UIMC1: variants seen among roughly 807,000 people sequenced by gnomAD.
UIMC1 encodes the protein ubiquitin interaction motif containing 1.
UIMC1 carries 42 observed loss-of-function variants against 84.9 expected under a neutral mutation model. The ratio of observed to expected loss-of-function variants is 0.49; its 90% confidence interval spans 0.39 to 0.64. The LOEUF is 0.64. Among genes scored for constraint, UIMC1 ranks in the 30% least tolerant of loss-of-function variants. The probability of loss-of-function intolerance (pLI) is 0.00; values close to 1 mark genes in which losing one functional copy is unlikely to be tolerated. For synonymous variants in UIMC1, 281 were observed against 293.0 expected, an observed-to-expected ratio of 0.96 and a Z score of 0.42; for missense variants, 825 against 847.6, an observed-to-expected ratio of 0.97 and a Z score of 0.33.
chr5:177,014,355 C>T (rs1289569746), intron 1 of UIMC1, among the ~76,000 whole-genome samples: 1 of 152,060 alleles, frequency 6.6e-6, no homozygotes, highest in Non-Finnish European at 1.5e-5. Flanking sequence ...TGCCCAGCTG[C>T]AGTGAGCCAC....
intron 10 of UIMC1, among the ~76,000 whole-genome samples, chr5:176,922,164 A>G (rs1761790390): frequency 6.6e-6 from 1 of 152,052 alleles, no homozygotes; most frequent in Non-Finnish European, 1.5e-5. Context: ...TTTTTCTTAA[A>G]TTGTATTTAT....
chr5:176,927,726 T>G (rs916525270), intron 10 of UIMC1, among the ~76,000 whole-genome samples: 25 of 152,000 alleles, frequency 1.6e-4, no homozygotes, highest in African/African-American at 5.6e-4. Context: ...ACAGAGGACA[T>G]TTTGAAAAAC....
intron 10 of UIMC1, among the ~76,000 whole-genome samples, chr5:176,941,500 TC>T (rs1359932458): frequency 6.6e-6 from 1 of 152,242 alleles, no homozygotes; most frequent in Non-Finnish European, 1.5e-5. Context: ...TTTATGTACT[TC>T]CTTATTTAAT....
chr5:176,988,166 C>T (rs1427645368), intron 1 of UIMC1, among the ~76,000 whole-genome samples: 2 of 146,854 alleles, frequency 1.4e-5, no homozygotes, highest in South Asian at 2.2e-4. Flanking sequence ...AATCATTAAT[C>T]ATGAGGGAAA....
At chr5:176,977,420 C>G (rs1400345578) in intron 2 of UIMC1, among the ~76,000 whole-genome samples, 2 of 151,736 alleles carry the variant, frequency 1.3e-5, no homozygotes, top group Admixed American at 1.3e-4. Flanking sequence ...GCGTTCTTCT[C>G]AAGTACACAC....
intron 9 of UIMC1, among the ~76,000 whole-genome samples, chr5:176,949,569 TGTC>T (rs1407770432): frequency 6.6e-6 from 1 of 152,230 alleles, no homozygotes; most frequent in African/African-American, 2.4e-5. Flanking sequence ...GAGCAGGATC[TGTC>T]GTCAGTCACT....
intron 12 of UIMC1, among the ~76,000 whole-genome samples, chr5:176,907,716 C>G (rs1759576845): frequency 6.6e-6 from 1 of 152,216 alleles, no homozygotes; most frequent in South Asian, 2.1e-4. Flanking sequence ...GGGCCCAGAC[C>G]TGGCAGCTTC....
chr5:176,964,826 G>A (rs951091308), intron 6 of UIMC1, among the ~76,000 whole-genome samples: 8 of 152,160 alleles, frequency 5.3e-5, no homozygotes, highest in African/African-American at 1.9e-4. Flanking sequence ...CATTAGCAGT[G>A]GGCTTACAGC....
At chr5:176,934,840 G>A (rs929083419) in intron 10 of UIMC1, among the ~76,000 whole-genome samples, 11 of 152,192 alleles carry the variant, frequency 7.2e-5, no homozygotes, top group African/African-American at 2.7e-4. Context: ...TAAAAGCTAT[G>A]GCTGCTGGCA....
At chr5:176,907,239 A>G (rs1759509940) in intron 12 of UIMC1, 62 bp from the exon 13 acceptor site, 1 of 1,476,096 alleles carries the variant, frequency 6.8e-7, no homozygotes, top group Admixed American at 1.8e-5. Context: ...TACAACTTCC[A>G]CAGCCCAGAT....
At position 177,016,742 on chromosome 5, in the gene UIMC1, G is replaced by A. The variant is rs1365249766; in HGVS notation, c.-9+5722C>T. 5.3e-5 allele frequency among the ~76,000 whole-genome samples: 8 copies of A among 151,096 alleles called. No individual in the cohort carries two copies. The East Asian group carries it at 1.4e-3, about 26-fold the overall frequency. On this transcript the variant is annotated intron_variant, in intron 1 of 5. Transcript: ENST00000509236. ...CTCAAAAAAGAAAATTATCCAGTAG[G>A]CCGGGCGCGGCGGCTCATGCCTGTA...
chr5:176,977,935 AAAT>A (rs982544254), intron 2 of UIMC1, among the ~76,000 whole-genome samples: 2 of 151,968 alleles, frequency 1.3e-5, no homozygotes, highest in Non-Finnish European at 2.9e-5. Flanking sequence ...AAAAAAATAA[AAAT>A]AATAACAAAA....
At chr5:176,930,827 G>A (rs1051720910) in intron 10 of UIMC1, among the ~76,000 whole-genome samples, 7 of 152,168 alleles carry the variant, frequency 4.6e-5, no homozygotes, top group Non-Finnish European at 1.0e-4. Flanking sequence ...TCACATGGAC[G>A]CTGTTCACCA....
At chr5:176,996,953 T>C (rs916107464) in intron 1 of UIMC1, among the ~76,000 whole-genome samples, 4 of 152,074 alleles carry the variant, frequency 2.6e-5, no homozygotes, top group Non-Finnish European at 4.4e-5. Context: ...TCAGAGGCTG[T>C]TGAAATGCAC....
At chr5:177,019,827 G>A (rs1405256455) in intron 1 of UIMC1, among the ~76,000 whole-genome samples, 1 of 152,034 alleles carries the variant, frequency 6.6e-6, no homozygotes, top group Non-Finnish European at 1.5e-5. Context: ...AGCTACTCGG[G>A]AGGCTGAGGC....
At chr5:177,019,644 AT>A (rs1338671733) in intron 1 of UIMC1, among the ~76,000 whole-genome samples, 1 of 150,572 alleles carries the variant, frequency 6.6e-6, no homozygotes, top group East Asian at 1.9e-4. Context: ...AAAAAAAAAA[AT>A]TGTAGGCTGG....
chr5:176,940,643 A>G (rs1764298316), intron 10 of UIMC1, among the ~76,000 whole-genome samples: 1 of 152,138 alleles, frequency 6.6e-6, no homozygotes, highest in Non-Finnish European at 1.5e-5. Flanking sequence ...GCAGTCCTTC[A>G]GTGCTCTGCC....
intron 3 of UIMC1, 45 bp downstream of exon 3, chr5:176,975,351 G>T (rs763529168): frequency 1.9e-6 from 3 of 1,569,170 alleles, no homozygotes; most frequent in South Asian, 1.1e-5. Flanking sequence ...TCAGTTCTAT[G>T]ACTATTACAA....
intron 1 of UIMC1, among the ~76,000 whole-genome samples, chr5:177,005,567 T>A (rs1775133696): frequency 6.6e-6 from 1 of 151,620 alleles, no homozygotes; most frequent in African/African-American, 2.4e-5. Context: ...ACAACAACTC[T>A]GCGTCGTAGG....
Sources: allele counts gnomAD v4.1 joint callset (sites outside exome capture counted in the v4.1 genomes callset), GRCh38; gene constraint gnomAD v4.1.1; transcripts MANE v1.5; gene names NCBI Gene and HGNC (gene_info 2026-07-23, HGNC 2026-07-21).